The following CSE1L variants were observed in gnomAD, a reference collection of about 807,000 sequenced individuals.
CSE1L encodes exportin-2.
A neutral mutation model predicts 120.4 loss-of-function variants in CSE1L; 24 were observed. That is an observed-to-expected ratio of 0.20 (90% CI 0.14 to 0.28). The LOEUF (loss-of-function observed/expected upper bound fraction) is 0.28, where lower values mean the gene tolerates loss of function less well. Ranked by LOEUF, CSE1L falls within the 10% of genes least tolerant of loss-of-function variation. CSE1L has a pLI of 1.00. For missense variants in CSE1L, 830 were observed against 1,145.2 expected (o/e 0.72, Z 3.97); for synonymous variants, 402 against 398.3 (o/e 1.01, Z -0.11).
intron 2 of CSE1L, among the ~76,000 whole-genome samples, chr20:49,060,708 G>A (rs920678757): frequency 1.3e-5 from 2 of 151,544 alleles, no homozygotes; most frequent in Non-Finnish European, 2.9e-5. Context: ...CCCAGGAGGT[G>A]AAGGTTCCAG....
intron 8 of CSE1L, among the ~76,000 whole-genome samples, chr20:49,071,091 CCTT>C (rs143414252): frequency 0.011 from 1,704 of 152,232 alleles, 24 homozygotes; most frequent in African/African-American, 0.035. Context: ...ATATTTATGA[CCTT>C]CTTTCCGAAG....
At chr20:49,082,643 G>A (rs1451480184) in intron 14 of CSE1L, among the ~76,000 whole-genome samples, 2 of 151,512 alleles carry the variant, frequency 1.3e-5, no homozygotes, top group African/African-American at 2.4e-5. Flanking sequence ...CCTCAGCCTC[G>A]CGATAGCTGG....
chr20:49,058,320 T>G (rs925523801), intron 1 of CSE1L, 133 bp from the exon 2 acceptor site: 1 of 506,012 alleles, frequency 2.0e-6, no homozygotes, highest in Admixed American at 3.3e-5. Flanking sequence ...CAGAGTCAGG[T>G]TTACTGCCCA....
At position 49,070,295 on chromosome 20, in the gene CSE1L, G is replaced by T; in HGVS notation, c.766G>T (p.Asp256Tyr). 1 of 1,326,076 alleles carries T rather than the reference G, an allele frequency of 7.5e-7. No homozygotes were observed. Among genetic ancestry groups the T allele is most frequent in the South Asian group, 1.3e-5 (1 of 74,882 alleles). 82.1% of individuals were successfully genotyped at this position (1,326,076 alleles called of 1,614,324 possible). The stretch of plus-strand genomic sequence containing the variant: ...ATTGGATAATAAGCTTTTACAAACT[G>T]ATGTAAGTATTTAAAATGTTGCCTG... Reference protein sequence around the residue: ...LTLDNKLLQTDDEEEAGLLEL... With the variant: ...LTLDNKLLQTYDEEEAGLLEL... Residue 256 changes from aspartate (D) to tyrosine (Y), a missense_variant and splice_region_variant, in exon 8 of 25, where the codon GAT becomes TAT. Asp to Tyr is a radical substitution (Grantham distance 160). Coordinates refer to ENST00000262982, the MANE Select transcript of CSE1L (RefSeq NM_001316.4).
At chr20:49,090,493 T>TTGC (rs1191657889) in intron 19 of CSE1L, among the ~76,000 whole-genome samples, 2 of 151,852 alleles carry the variant, frequency 1.3e-5, no homozygotes, top group African/African-American at 4.8e-5. Context: ...GAAGCAGAGG[T>TTGC]TGCAGTGAGC....
At chr20:49,093,022 G>A (rs1320082689) in intron 22 of CSE1L, among the ~76,000 whole-genome samples, 1 of 152,142 alleles carries the variant, frequency 6.6e-6, no homozygotes, top group African/African-American at 2.4e-5. Flanking sequence ...CCCATTAGTA[G>A]GGAATAAAAC....
At chr20:49,056,750 A>G (rs2091810613) in intron 1 of CSE1L, among the ~76,000 whole-genome samples, 1 of 151,518 alleles carries the variant, frequency 6.6e-6, no homozygotes, top group Non-Finnish European at 1.5e-5. Flanking sequence ...CCCATTTTTA[A>G]TGGACAAAAT....
intron 14 of CSE1L, among the ~76,000 whole-genome samples, chr20:49,083,778 T>A (rs557856750): frequency 6.6e-6 from 1 of 152,236 alleles, no homozygotes; most frequent in Non-Finnish European, 1.5e-5. Flanking sequence ...TATTTTATGG[T>A]ATGTTGATTT....
chr20:49,050,920 C>T (rs947091533), intron 1 of CSE1L, among the ~76,000 whole-genome samples: 3 of 152,028 alleles, frequency 2.0e-5, no homozygotes, highest in African/African-American at 7.2e-5. Flanking sequence ...ACACAGTCAA[C>T]CAACCAAAAT....
chr20:49,074,651 A>T (rs1424612708), intron 10 of CSE1L, 134 bp from the exon 11 acceptor site: 15 of 588,898 alleles, frequency 2.5e-5, no homozygotes, highest in Non-Finnish European at 3.0e-6. Context: ...TTAAGAGTAT[A>T]TGAAGTAGTC....
chr20:49,069,469 G>T (rs1221547315), intron 7 of CSE1L, among the ~76,000 whole-genome samples: 2 of 152,202 alleles, frequency 1.3e-5, no homozygotes, highest in African/African-American at 4.8e-5. Flanking sequence ...GGAGGGCCTA[G>T]CCCATTCATT....
rs1398094318 is a variant in CSE1L at position 49,078,743 on chromosome 20, C to A, written c.1482+121C>A. ...CATCTAACAAAATTAACAATGATTTCTTTATAACTTAGAATTTTAGACCAT... is the reference window on the plus strand; with the variant it reads ...CATCTAACAAAATTAACAATGATTTATTTATAACTTAGAATTTTAGACCAT... On this transcript the variant is annotated intron_variant, in intron 14 of 24. Coordinates refer to ENST00000262982, the MANE Select transcript of CSE1L (RefSeq NM_001316.4). 11 of 612,218 alleles carry A rather than the reference C, an allele frequency of 1.8e-5. No homozygotes were observed. The East Asian group carries it at 3.6e-4, about 20-fold the overall frequency. 37.9% of individuals were successfully genotyped at this position (612,218 alleles called of 1,614,324 possible). A position where few individuals can be genotyped will look rare whatever the true frequency, so the allele number is the denominator to read the frequency against.
chr20:49,064,590 G>A (rs1004211554), intron 3 of CSE1L, among the ~76,000 whole-genome samples: 1 of 152,098 alleles, frequency 6.6e-6, no homozygotes, highest in Non-Finnish European at 1.5e-5. Flanking sequence ...TGCACGGCCT[G>A]TAGTCCCAGC....
chr20:49,068,831 A>T lies in CSE1L; in HGVS notation c.675+9A>T. ...ATAGTTTAAACTTTCAGGTAAGTTC[A>T]TTTGATTTCTTGCTTTTGGTTCTTA... On this transcript the variant is annotated intron_variant, in intron 7 of 24. Transcript: ENST00000262982. 1 of 1,548,766 alleles carries T rather than the reference A, an allele frequency of 6.5e-7. No individual in the cohort carries two copies. The highest frequency in any genetic ancestry group is 8.9e-7 in the Non-Finnish European group (1 of 1,120,504).
At chr20:49,073,068 G>T (rs1245467902) in intron 10 of CSE1L, among the ~76,000 whole-genome samples, 1 of 152,162 alleles carries the variant, frequency 6.6e-6, no homozygotes, top group Non-Finnish European at 1.5e-5. Context: ...CTGGAGTGCA[G>T]TGATGCAATC....
At chr20:49,092,172 C>CTT (rs200977425) in intron 22 of CSE1L, 45 bp downstream of exon 22, 102 of 1,097,094 alleles carry the variant, frequency 9.3e-5, no homozygotes, top group Non-Finnish European at 1.3e-4. Context: ...AATGTTTTGA[C>CTT]TTTTTTTTTA....
chr20:49,093,714 C>G (rs181000903), intron 22 of CSE1L, among the ~76,000 whole-genome samples: 3 of 151,294 alleles, frequency 2.0e-5, no homozygotes, highest in African/African-American at 7.3e-5. Flanking sequence ...GTCAGGAGTT[C>G]GAGATCAGCC....
At chr20:49,089,124 A>T in intron 17 of CSE1L, 123 bp from the exon 18 acceptor site, 1 of 796,816 alleles carries the variant, frequency 1.3e-6, no homozygotes, top group Non-Finnish European at 1.8e-6. Context: ...GCACTAGGGT[A>T]TAATTGGTGT....
rs1190044057 is a variant in CSE1L at position 49,084,050 on chromosome 20, T to C, written c.1507T>C (p.Ser503Pro). Reference sequence around the variant, plus strand: ...GGTGCCAAAAGAACATCTTTTAGTCTCGATTCCTCTCTTGATTAATCATCT... The same window carrying C: ...GGTGCCAAAAGAACATCTTTTAGTCCCGATTCCTCTCTTGATTAATCATCT... ...NQVPKEHLLV[S>P]IPLLINHLQA... The change falls in exon 15 of 25, where the codon TCG becomes CCG. Residue 503 changes from serine to proline, a missense_variant. Physicochemically the swap from Ser to Pro is moderately conservative, Grantham distance 74. Coordinates refer to ENST00000262982, the MANE Select transcript of CSE1L (RefSeq NM_001316.4). 1 of 1,613,922 alleles carries C rather than the reference T, an allele frequency of 6.2e-7. No individual in the cohort carries two copies. Among genetic ancestry groups the C allele is most frequent in the Non-Finnish European group, 8.5e-7 (1 of 1,179,816 alleles).
Sources: gnomAD v4.1 joint callset for allele counts (sites outside exome capture counted in the v4.1 genomes callset) on GRCh38, gnomAD v4.1.1 for gene constraint, MANE v1.5 for transcripts, NCBI Gene and HGNC (gene_info 2026-07-23, HGNC 2026-07-21) for gene names.